The following C8orf34 variants were observed in gnomAD, a reference collection of about 807,000 sequenced individuals.
The protein encoded by C8orf34 is uncharacterized protein C8orf34.
C8orf34 carries 65 observed loss-of-function variants against 68.3 expected under a neutral mutation model. The ratio of observed to expected loss-of-function variants is 0.95; its 90% CI spans 0.78 to 1.17. C8orf34 has a LOEUF of 1.17. C8orf34 is among the 50% of genes most tolerant of loss of function. The pLI is 0.00. For missense variants in C8orf34, 664 were observed against 655.4 expected (o/e 1.01, Z -0.14); for synonymous variants, 244 against 241.2 (o/e 1.01, Z -0.11).
At chr8:68,450,299 C>A (rs1811289884) in intron 3 of C8orf34, among the ~76,000 whole-genome samples, 1 of 152,062 alleles carries the variant, frequency 6.6e-6, no homozygotes, top group African/African-American at 2.4e-5. Flanking sequence ...TTGGACACTT[C>A]AAAGTCATCC....
intron 7 of C8orf34, among the ~76,000 whole-genome samples, chr8:68,576,094 A>G (rs950588431): frequency 6.6e-6 from 1 of 151,252 alleles, no homozygotes; most frequent in Non-Finnish European, 1.5e-5. Flanking sequence ...CTATCCCAAC[A>G]TTCAAGATGC....
intron 8 of C8orf34, among the ~76,000 whole-genome samples, chr8:68,648,725 C>T (rs1194005273): frequency 6.6e-6 from 1 of 152,178 alleles, no homozygotes; most frequent in African/African-American, 2.4e-5. Context: ...ATGAGAATCC[C>T]AGGAGAAACT....
intron 1 of C8orf34, among the ~76,000 whole-genome samples, chr8:68,334,163 A>G (rs1354745931): frequency 1.3e-5 from 2 of 152,150 alleles, no homozygotes; most frequent in Admixed American, 6.5e-5. Context: ...AAAGTGTTAC[A>G]TGCAGTATGG....
chr8:68,533,249 T>C (rs1395944112), intron 7 of C8orf34, 100 bp downstream of exon 7: 1 of 1,442,170 alleles, frequency 6.9e-7, no homozygotes, highest in Non-Finnish European at 9.1e-7. Context: ...AGCCTTGTCT[T>C]AGGGAAAAGA....
intron 3 of C8orf34, chr8:68,447,635 G>A (rs1811178931): frequency 6.6e-6 from 1 of 152,186 alleles, no homozygotes; most frequent in Admixed American, 6.5e-5. Context: ...GTTTGAAAAT[G>A]TTTGAAAAAC....
chr8:68,708,824 C>G (rs1429485470), intron 8 of C8orf34, among the ~76,000 whole-genome samples, 170 bp from the exon 9 acceptor site: 1 of 152,126 alleles, frequency 6.6e-6, no homozygotes, highest in Non-Finnish European at 1.5e-5. Context: ...ATGGTTAGAA[C>G]AGCAAAAATC....
At chr8:68,735,846 A>G (rs1451702217) in intron 10 of C8orf34, among the ~76,000 whole-genome samples, 1 of 152,126 alleles carries the variant, frequency 6.6e-6, no homozygotes, top group Admixed American at 6.5e-5. Flanking sequence ...TTTGTAAAAC[A>G]CCAAATTTCC....
chr8:68,342,249 G>A (rs1031812876), intron 1 of C8orf34, among the ~76,000 whole-genome samples: 1 of 152,034 alleles, frequency 6.6e-6, no homozygotes, highest in Non-Finnish European at 1.5e-5. Context: ...TAAAAACAAG[G>A]AAATTCTAAG....
chr8:68,454,391 C>A (rs773079016), intron 3 of C8orf34, among the ~76,000 whole-genome samples: 8 of 152,116 alleles, frequency 5.3e-5, no homozygotes, highest in Admixed American at 3.3e-4. Flanking sequence ...GCCGCTTTAT[C>A]CTGGCCTTGT....
chr8:68,354,768 A>AT (rs2129618839), intron 1 of C8orf34, among the ~76,000 whole-genome samples: 1 of 152,256 alleles, frequency 6.6e-6, no homozygotes, highest in East Asian at 1.9e-4. Context: ...ACATTATATC[A>AT]TGCCCTGTAT....
intron 7 of C8orf34, among the ~76,000 whole-genome samples, chr8:68,583,406 C>T (rs184240101): frequency 8.5e-5 from 13 of 152,212 alleles, no homozygotes; most frequent in Admixed American, 3.3e-4. Context: ...GTAACTTGTT[C>T]AACTTCACAT....
In C8orf34 at chr8:68,528,758, T is replaced by TC. The variant is rs1298864069; in HGVS notation, c.939-4220dup. Among the ~76,000 whole-genome samples, 5 of 152,246 alleles carry TC rather than the reference T, an allele frequency of 3.3e-5. No individual in the cohort carries two copies. The East Asian group carries it at 9.7e-4, about 29-fold the overall frequency. Reference sequence around the variant, plus strand: ...TGATGACTTCACATTTTTCCTGCTCTCCCCCAATCTCCAAAACTTTTCCCC... The same window carrying TC: ...TGATGACTTCACATTTTTCCTGCTCTCCCCCCAATCTCCAAAACTTTTCCCC... On this transcript the variant is annotated intron_variant, in intron 6 of 13. Transcript: ENST00000518698.
intron 10 of C8orf34, among the ~76,000 whole-genome samples, chr8:68,753,311 A>G (rs750098033): frequency 2.0e-5 from 3 of 152,180 alleles, no homozygotes; most frequent in South Asian, 2.1e-4. Flanking sequence ...AGTTGCTAAC[A>G]TGGCCCCTCT....
intron 7 of C8orf34, among the ~76,000 whole-genome samples, chr8:68,630,421 C>T (rs1818657096): frequency 6.6e-6 from 1 of 151,972 alleles, no homozygotes; most frequent in South Asian, 2.1e-4. Flanking sequence ...TCAGACTAGC[C>T]ACATTTCAAG....
intron 12 of C8orf34, among the ~76,000 whole-genome samples, chr8:68,790,534 T>G (rs183539144): frequency 1.6e-4 from 25 of 152,350 alleles, no homozygotes; most frequent in Admixed American, 2.6e-4. Context: ...CAAATAAATT[T>G]TTATAAATCA....
At chr8:68,527,347 C>T (rs1022633001) in intron 6 of C8orf34, among the ~76,000 whole-genome samples, 82 of 152,238 alleles carry the variant, frequency 5.4e-4, no homozygotes, top group Non-Finnish European at 8.8e-4. Context: ...CCGAGGCGGG[C>T]GGATCACAAG....
At chr8:68,808,650 T>C (rs1824555488) in intron 12 of C8orf34, among the ~76,000 whole-genome samples, 1 of 151,938 alleles carries the variant, frequency 6.6e-6, no homozygotes. Flanking sequence ...ATTTAAAATA[T>C]ATGAGAGAAT....
At chr8:68,789,580 A>G (rs1264718450) in intron 12 of C8orf34, among the ~76,000 whole-genome samples, 1 of 152,190 alleles carries the variant, frequency 6.6e-6, no homozygotes, top group Non-Finnish European at 1.5e-5. Context: ...TATTTTGGCA[A>G]TAAGTTTTAA....
intron 7 of C8orf34, among the ~76,000 whole-genome samples, chr8:68,558,273 G>A (rs1025366262): frequency 1.3e-5 from 2 of 152,098 alleles, no homozygotes; most frequent in Admixed American, 6.5e-5. Flanking sequence ...TTTAAGAATA[G>A]CATTGGAGAA....
Sources: gnomAD v4.1 joint callset for allele counts (sites outside exome capture counted in the v4.1 genomes callset) on GRCh38, gnomAD v4.1.1 for gene constraint, MANE v1.5 for transcripts, NCBI Gene and HGNC (gene_info 2026-07-23, HGNC 2026-07-21) for gene names.